GLT8D2: variants seen among roughly 807,000 people sequenced by gnomAD.
GLT8D2 encodes glycosyltransferase 8 domain containing 2, also known as glycosyltransferase 8 domain-containing protein 2.
A neutral mutation model predicts 44.5 loss-of-function variants in GLT8D2; 45 were observed. That is an observed-to-expected ratio of 1.01 (90% confidence interval 0.80 to 1.30). The LOEUF is 1.30. GLT8D2 is among the 50% of genes most tolerant of loss of function. The probability of loss-of-function intolerance (pLI) is 0.00; values close to 1 mark genes in which losing one functional copy is unlikely to be tolerated. For synonymous variants in GLT8D2, 156 were observed against 157.2 expected (o/e 0.99, Z 0.06); for missense variants, 400 against 430.4 (o/e 0.93, Z 0.62).
rs1882944978 is a variant in GLT8D2, at chr12:104,064,157, T to TA, written c.-632dup. ...CTGCGCTCCCAGCTCTTCGAACCTC[T>TA]ACCCGAGCTTCTCTCACGTTGCTTG... On this transcript the variant is annotated 5_prime_UTR_variant, in exon 1 of 11. Transcript: ENST00000548660. The surrounding 1 kb of genome is among the most constrained non-coding windows in gnomAD (Gnocchi z 7.3). 6.4e-6 allele frequency: 1 copy of TA among 155,950 alleles called. No homozygotes were observed. Among genetic ancestry groups the TA allele is most frequent in the African/African-American group, 2.4e-5 (1 of 41,526 alleles). The allele number at this position is 155,950 out of a possible 1,614,324, so 9.7% of individuals were successfully genotyped here.
chr12:104,027,216 G>T (rs1878690198), intron 1 of GLT8D2, among the ~76,000 whole-genome samples: 1 of 152,198 alleles, frequency 6.6e-6, no homozygotes, highest in Admixed American at 6.5e-5. Context: ...AAAGAAATGG[G>T]TCAAAACAGC....
chr12:104,035,305 A>G (rs1319023354), intron 1 of GLT8D2, among the ~76,000 whole-genome samples: 1 of 152,264 alleles, frequency 6.6e-6, no homozygotes, highest in Non-Finnish European at 1.5e-5. Context: ...ACAAAGCTGG[A>G]CGGAGAATGA....
intron 3 of GLT8D2, among the ~76,000 whole-genome samples, chr12:104,018,661 G>A (rs2136365805): frequency 6.6e-6 from 1 of 152,270 alleles, no homozygotes; most frequent in East Asian, 1.9e-4. Flanking sequence ...ATCACTTGAG[G>A]TCAGGAGTTC....
In GLT8D2 at chr12:104,055,398, C is replaced by T. The variant is rs185858960; in HGVS notation, c.-422-5110G>A. On this transcript the variant is annotated intron_variant, in intron 1 of 10. Coordinates refer to the GLT8D2 transcript ENST00000548660. ...CATTATATGAATGGGGTCCCTGGCACTCTGTCATTCTGCAGCCTGGCATAT... is the reference window on the plus strand; with the variant it reads ...CATTATATGAATGGGGTCCCTGGCATTCTGTCATTCTGCAGCCTGGCATAT... Among the ~76,000 whole-genome samples the T allele has an allele frequency of 4.3e-4, 65 of 152,326 alleles. No individual in the cohort carries two copies. In the East Asian group the frequency reaches 0.01, roughly 24 times the overall value.
At chr12:104,050,671 A>C (rs1175796825), upstream of GLT8D2, among the ~76,000 whole-genome samples, 1 of 152,186 alleles carries the variant, frequency 6.6e-6, no homozygotes, top group Non-Finnish European at 1.5e-5. Flanking sequence ...AGATGGTGCC[A>C]GCACTTTGTC....
At chr12:104,053,670 G>A (rs925249162), upstream of GLT8D2, among the ~76,000 whole-genome samples, 4 of 152,190 alleles carry the variant, frequency 2.6e-5, no homozygotes, top group African/African-American at 9.7e-5. Flanking sequence ...GGATCACGAG[G>A]TCAGGAGATC....
upstream of GLT8D2, among the ~76,000 whole-genome samples, chr12:104,050,571 A>C (rs773300686): frequency 1.3e-5 from 2 of 152,132 alleles, no homozygotes; most frequent in Non-Finnish European, 2.9e-5. Context: ...CAAAAGAGGA[A>C]TCAGAGAGGA....
At chr12:103,996,303 T>C (rs1873413952) in intron 8 of GLT8D2, among the ~76,000 whole-genome samples, 1 of 152,102 alleles carries the variant, frequency 6.6e-6, no homozygotes, top group Non-Finnish European at 1.5e-5. Context: ...TGGTCAAAAC[T>C]CTGAAAATAG....
intron 1 of GLT8D2, among the ~76,000 whole-genome samples, chr12:104,027,336 G>C (rs1370857895): frequency 6.6e-6 from 1 of 152,182 alleles, no homozygotes; most frequent in Non-Finnish European, 1.5e-5. Context: ...GCCTAGAATG[G>C]TCTTTGGCCA....
chr12:104,043,280 T>A (rs145234494), intron 1 of GLT8D2, among the ~76,000 whole-genome samples: 114 of 152,246 alleles, frequency 7.5e-4, no homozygotes, highest in African/African-American at 2.7e-3. Context: ...TTAAATATAA[T>A]TTATATGCTG....
chr12:103,996,913 G>T, intron 7 of GLT8D2, 66 bp from the exon 8 acceptor site: 1 of 1,044,986 alleles, frequency 9.6e-7, no homozygotes, highest in Non-Finnish European at 1.4e-6. Context: ...TAGAGCCTTA[G>T]AGCTTAAACA....
intron 5 of GLT8D2, 60 bp from the exon 6 acceptor site, chr12:103,999,574 A>G (rs1021603945): frequency 2.0e-6 from 2 of 1,008,710 alleles, no homozygotes; most frequent in South Asian, 1.3e-5. Flanking sequence ...CCATTTGCCT[A>G]TTGCCCCAAG....
intron 4 of GLT8D2, among the ~76,000 whole-genome samples, chr12:104,007,296 C>G (rs546349929): frequency 1.3e-4 from 19 of 148,220 alleles, no homozygotes; most frequent in African/African-American, 4.2e-4. Flanking sequence ...CTCTCTCCCC[C>G]TCCCCCTTCT....
intron 1 of GLT8D2, among the ~76,000 whole-genome samples, chr12:104,040,075 C>T (rs1485704384): frequency 6.6e-6 from 1 of 152,152 alleles, no homozygotes; most frequent in Non-Finnish European, 1.5e-5. Context: ...TGTTCTCTCA[C>T]TCATGGGTGG....
upstream of GLT8D2, among the ~76,000 whole-genome samples, chr12:104,055,181 A>G (rs73177967): frequency 1.5e-3 from 228 of 152,304 alleles, 1 homozygote; most frequent in Non-Finnish European, 2.3e-3. Flanking sequence ...TGCTCTGCAC[A>G]AAAGGGACGA....
chr12:104,003,790 G>A (rs934010435), intron 4 of GLT8D2, among the ~76,000 whole-genome samples: 2 of 152,164 alleles, frequency 1.3e-5, no homozygotes, highest in African/African-American at 4.8e-5. Context: ...ATACTTGAGA[G>A]AGGAAATAAA....
upstream of GLT8D2, among the ~76,000 whole-genome samples, chr12:104,052,113 ATTAG>A (rs1015588427): frequency 6.6e-6 from 1 of 152,232 alleles, no homozygotes; most frequent in African/African-American, 2.4e-5. Flanking sequence ...TTCAATTAAA[ATTAG>A]TTACAGTTAA....
chr12:104,012,187 A>ATATATAT (rs1555278404), intron 4 of GLT8D2, among the ~76,000 whole-genome samples: 41 of 84,744 alleles, frequency 4.8e-4, no homozygotes, highest in South Asian at 2.1e-3. Context: ...AAAAAAAAAA[A>ATATATAT]AAATATATAT....
rs1212316933 is a variant in GLT8D2 at position 103,989,385 on chromosome 12, A to T, written c.*23T>A. 1 of 1,572,560 alleles carries T rather than the reference A, an allele frequency of 6.4e-7. No individual in the cohort carries two copies. Among genetic ancestry groups the T allele is most frequent in the African/African-American group, 1.4e-5 (1 of 73,540 alleles). On this transcript the variant is annotated 3_prime_UTR_variant, in exon 11 of 11. Transcript: ENST00000360814. ...GACAATTCCACATTTCTATACAGGGAATATTTTAAGGGTAGAGTTATATCA... is the reference window on the plus strand; with the variant it reads ...GACAATTCCACATTTCTATACAGGGTATATTTTAAGGGTAGAGTTATATCA...
Sources: allele counts gnomAD v4.1 joint callset (sites outside exome capture counted in the v4.1 genomes callset), GRCh38; gene constraint gnomAD v4.1.1; non-coding constraint Gnocchi (gnomAD v3.1); transcripts MANE v1.5; gene names NCBI Gene and HGNC (gene_info 2026-07-23, HGNC 2026-07-21).